ATXN7L1: variants seen among roughly 807,000 people sequenced by gnomAD.
ATXN7L1 encodes ataxin 7 like 1.
Under a neutral mutation model 70.8 loss-of-function variants are expected in ATXN7L1, and 15 were observed. That is an observed-to-expected ratio of 0.21 (90% CI 0.14 to 0.33). The LOEUF is 0.33. Ranked by LOEUF, ATXN7L1 falls within the 10% of genes least tolerant of loss-of-function variation. ATXN7L1 has a pLI of 1.00. For missense variants in ATXN7L1, 975 were observed against 1,097.1 expected (o/e 0.89, Z 1.57); for synonymous variants, 440 against 445.1 (o/e 0.99, Z 0.14).
chr7:105,854,530 GAA>G (rs57227370), intron 2 of ATXN7L1, among the ~76,000 whole-genome samples: 129,344 of 142,900 alleles, frequency 0.91, 58,570 homozygotes, highest in Admixed American at 0.94. Flanking sequence ...CCTTATAGAG[GAA>G]AAAAAAAAAA....
chr7:105,833,674 G>GT (rs1811966626), intron 2 of ATXN7L1, among the ~76,000 whole-genome samples: 1 of 152,144 alleles, frequency 6.6e-6, no homozygotes, highest in African/African-American at 2.4e-5. Flanking sequence ...ACTGTATGTA[G>GT]TTTTTTCCTC....
intron 8 of ATXN7L1, among the ~76,000 whole-genome samples, chr7:105,623,590 T>C (rs1795244070): frequency 6.6e-6 from 1 of 152,230 alleles, no homozygotes; most frequent in South Asian, 2.1e-4. Context: ...TGGTGCCATA[T>C]GGTCACACAA....
chr7:105,864,689 A>T (rs943796179), intron 2 of ATXN7L1, among the ~76,000 whole-genome samples: 2 of 150,426 alleles, frequency 1.3e-5, no homozygotes, highest in South Asian at 2.1e-4. Context: ...GCTGGAGTGC[A>T]GTGGTGCAAT....
chr7:105,869,794 T>C (rs970186336), intron 2 of ATXN7L1, among the ~76,000 whole-genome samples: 1 of 152,180 alleles, frequency 6.6e-6, no homozygotes, highest in South Asian at 2.1e-4. Context: ...CAGGAATCTA[T>C]TCAGGACTTT....
chr7:105,691,402 T>A (rs1790808438), intron 3 of ATXN7L1, among the ~76,000 whole-genome samples: 1 of 152,050 alleles, frequency 6.6e-6, no homozygotes, highest in African/African-American at 2.4e-5. Flanking sequence ...TACACCGCCG[T>A]TTCTCTAAGT....
chr7:105,696,949 T>C (rs1184393277), intron 3 of ATXN7L1, among the ~76,000 whole-genome samples: 1 of 152,198 alleles, frequency 6.6e-6, no homozygotes, highest in Non-Finnish European at 1.5e-5. Flanking sequence ...GGATCCGTGA[T>C]GCCCCACACG....
intron 4 of ATXN7L1, chr7:105,649,517 G>A (rs749385450): frequency 3.6e-5 from 36 of 987,668 alleles, no homozygotes; most frequent in Non-Finnish European, 4.2e-5. Context: ...AAGAAACATG[G>A]TTCTCTTGGC....
At chr7:105,615,352 C>T (rs766945826) in intron 9 of ATXN7L1, among the ~76,000 whole-genome samples, 4 of 152,198 alleles carry the variant, frequency 2.6e-5, no homozygotes, top group Non-Finnish European at 4.4e-5. Flanking sequence ...CCCCACCCTG[C>T]TCTGGGCTGG....
chr7:105,735,460 G>T (rs531622085), intron 3 of ATXN7L1, among the ~76,000 whole-genome samples: 1 of 152,162 alleles, frequency 6.6e-6, no homozygotes, highest in Non-Finnish European at 1.5e-5. Flanking sequence ...GGGCTCTGGC[G>T]ATAGGCATAG....
intron 2 of ATXN7L1, chr7:105,820,154 A>AAAAAAAAAAAG (rs1809917086): frequency 7.3e-6 from 2 of 272,384 alleles, no homozygotes; most frequent in African/African-American, 4.8e-5. Flanking sequence ...AAAAAAAAAA[A>AAAAAAAAAAAG]AGCGTGGGCC....
chr7:105,784,256 G>A (rs928896957), intron 3 of ATXN7L1, among the ~76,000 whole-genome samples: 5 of 152,126 alleles, frequency 3.3e-5, no homozygotes, highest in Non-Finnish European at 5.9e-5. Flanking sequence ...AAGCCACTGC[G>A]CCCGGCCCCA....
intron 2 of ATXN7L1, among the ~76,000 whole-genome samples, chr7:105,805,479 TTA>T (rs1807436562): frequency 6.6e-6 from 1 of 152,152 alleles, no homozygotes; most frequent in Admixed American, 6.5e-5. Context: ...ACTCACTCAT[TTA>T]TCCAACACTT....
chr7:105,794,274 G>A (rs58373280), intron 2 of ATXN7L1, among the ~76,000 whole-genome samples: 4,293 of 152,214 alleles, frequency 0.028, 202 homozygotes, highest in African/African-American at 0.099. Flanking sequence ...GGTCATCCAA[G>A]AGCCTGAAGC....
chr7:105,780,173 A>G (rs1229384347), intron 3 of ATXN7L1, among the ~76,000 whole-genome samples: 1 of 152,158 alleles, frequency 6.6e-6, no homozygotes, highest in Non-Finnish European at 1.5e-5. Context: ...AGACAAAATA[A>G]AAAGAACAAT....
At chr7:105,795,846 T>G (rs1805911213) in intron 2 of ATXN7L1, among the ~76,000 whole-genome samples, 1 of 152,214 alleles carries the variant, frequency 6.6e-6, no homozygotes, top group African/African-American at 2.4e-5. Context: ...GCCTTAGATT[T>G]CAGGGTTGTG....
intron 2 of ATXN7L1, among the ~76,000 whole-genome samples, chr7:105,847,045 G>A (rs1023650473): frequency 1.3e-5 from 2 of 152,200 alleles, no homozygotes; most frequent in Admixed American, 6.5e-5. Context: ...GGTGTTGGTT[G>A]TACCACTTGT....
intron 4 of ATXN7L1, among the ~76,000 whole-genome samples, chr7:105,658,102 T>C (rs1312781610): frequency 6.6e-6 from 1 of 152,096 alleles, no homozygotes; most frequent in East Asian, 1.9e-4. Context: ...CACTTCATGA[T>C]GGGGCTATGT....
chr7:105,847,505 G>A (rs4730112), intron 2 of ATXN7L1, among the ~76,000 whole-genome samples: 26,347 of 152,110 alleles, frequency 0.17, 2,953 homozygotes, highest in South Asian at 0.4. Context: ...AATCAGGGCA[G>A]GGTTGACTCT....
intron 3 of ATXN7L1, among the ~76,000 whole-genome samples, chr7:105,690,007 T>C (rs1790546303): frequency 6.6e-6 from 1 of 152,194 alleles, no homozygotes; most frequent in Admixed American, 6.5e-5. Flanking sequence ...ACAGGGCACT[T>C]CTTTTTTTAT....
Sources: allele counts gnomAD v4.1 joint callset (sites outside exome capture counted in the v4.1 genomes callset), GRCh38; gene constraint gnomAD v4.1.1; transcripts MANE v1.5; gene names NCBI Gene and HGNC (gene_info 2026-07-23, HGNC 2026-07-21).